Variants in ALOX5AP observed in about 807,000 individuals in gnomAD.
The protein encoded by ALOX5AP is arachidonate 5-lipoxygenase-activating protein.
Under a neutral mutation model 18.5 loss-of-function variants are expected in ALOX5AP, and 9 were observed. The ratio of observed to expected loss-of-function variants is 0.49; its 90% CI spans 0.29 to 0.85. The LOEUF (loss-of-function observed/expected upper bound fraction) is 0.85. ALOX5AP is among the 40% of genes least tolerant of loss of function. ALOX5AP has a pLI of 0.08. For missense variants in ALOX5AP, 172 were observed against 202.5 expected (o/e 0.85, Z 0.91); for synonymous variants, 81 against 78.6 (o/e 1.03, Z -0.16).
chr13:30,763,126 G>A (rs1951956712), intron 4 of ALOX5AP, among the ~76,000 whole-genome samples: 1 of 152,198 alleles, frequency 6.6e-6, no homozygotes, highest in African/African-American at 2.4e-5. Flanking sequence ...TGGCTAACAT[G>A]ACGAAACCTC....
intron 2 of ALOX5AP, among the ~76,000 whole-genome samples, chr13:30,745,647 G>T (rs1173780254): frequency 6.6e-6 from 1 of 152,246 alleles, no homozygotes; most frequent in Admixed American, 6.5e-5. Context: ...GATGTTTAAA[G>T]GTGTGATTTA....
chr13:30,744,396 T>A (rs1341425690), intron 2 of ALOX5AP: 1 of 446,550 alleles, frequency 2.2e-6, no homozygotes, highest in Non-Finnish European at 4.1e-6. Flanking sequence ...TGGAGGGAGG[T>A]GTGATCTCTG....
Position 30,752,088 on chromosome 13 carries a change from T to A in ALOX5AP, c.207T>A (p.Ala69=). 1.2e-6 allele frequency: 2 copies of A among 1,614,144 alleles called. No homozygotes were observed. Among genetic ancestry groups the A allele is most frequent in the Non-Finnish European group, 1.7e-6 (2 of 1,180,012 alleles). The part of the protein sequence containing the change: ...NCVDAYPTFL[A]VLWSAGLLCS... ...TAGATGCGTACCCCACTTTCCTCGC[T>A]GTGCTCTGGTCTGCGGGGCTACTTT... The change falls in exon 3 of 5, where the codon GCT becomes GCA. Residue 69 remains alanine (A), a synonymous_variant. Coordinates refer to ENST00000380490, the MANE Select transcript of ALOX5AP (RefSeq NM_001629.4).
intron 2 of ALOX5AP, among the ~76,000 whole-genome samples, 164 bp from the exon 3 acceptor site, chr13:30,751,888 A>T (rs1566087550): frequency 6.6e-6 from 1 of 152,388 alleles, no homozygotes; most frequent in East Asian, 1.9e-4. Context: ...CCCAGGTGGC[A>T]GCTGGCTGCC....
rs549712834 is a variant in ALOX5AP at position 30,713,816 on chromosome 13, A to T, written c.91A>T (p.Ile31Phe). The T allele has an allele frequency of 9.9e-5, 152 of 1,535,038 alleles. No individual in the cohort carries two copies. In the South Asian group the frequency reaches 1.6e-3, roughly 16 times the overall value. ...GAAATCCTTTGGCACCTTGGGGCAC[A>T]TTGGGAACATAAGCCATCAGTGCTG... Residue 31 changes from isoleucine to phenylalanine, a missense_variant, in exon 1 of 6, where the codon ATT becomes TTT. Coordinates refer to the ALOX5AP transcript ENST00000617770.
intron 1 of ALOX5AP, among the ~76,000 whole-genome samples, chr13:30,741,885 T>C (rs1951769806): frequency 6.7e-6 from 1 of 148,294 alleles, no homozygotes. Context: ...ACTCCAGGAA[T>C]GCAGAACCCG....
chr13:30,735,782 C>G (rs1368882465), intron 1 of ALOX5AP, 107 bp downstream of exon 1: 2 of 1,216,912 alleles, frequency 1.6e-6, no homozygotes, highest in Admixed American at 2.4e-5. Context: ...CATGCACAAA[C>G]ACTTTTACCT....
At chr13:30,744,770 G>A (rs938557503) in intron 2 of ALOX5AP, among the ~76,000 whole-genome samples, 2 of 152,226 alleles carry the variant, frequency 1.3e-5, no homozygotes, top group African/African-American at 4.8e-5. Context: ...TATTCGGGAT[G>A]CAAATCCGAA....
At chr13:30,758,075 C>T (rs1226536254) in intron 4 of ALOX5AP, among the ~76,000 whole-genome samples, 5 of 152,120 alleles carry the variant, frequency 3.3e-5, no homozygotes, top group African/African-American at 4.8e-5. Flanking sequence ...AACCTGGCCT[C>T]GGAATCCTTC....
chr13:30,718,372 C>T (rs867233284), intron 1 of ALOX5AP, among the ~76,000 whole-genome samples: 1 of 88,258 alleles, frequency 1.1e-5, no homozygotes, highest in Non-Finnish European at 2.1e-5. Flanking sequence ...GAAAACCTAT[C>T]ACAGATATGC....
intron 1 of ALOX5AP, chr13:30,713,914 G>T: frequency 6.7e-7 from 1 of 1,482,990 alleles, no homozygotes; most frequent in Non-Finnish European, 9.1e-7. Flanking sequence ...TTTGACCTGG[G>T]CCCAGGGCCA....
chr13:30,755,947 C>T lies in ALOX5AP; in HGVS notation c.245C>T (p.Pro82Leu), dbSNP rs200532730. ...GTGTTTTCATTTCTCCACTTAGTTC[C>T]TGCTGCGTTTGCTGGACTGATGTAC... ...WSAGLLCSQVPAAFAGLMYLF... is the reference protein window; with the variant it reads ...WSAGLLCSQVLAAFAGLMYLF... Residue 82 changes from proline to leucine, a missense_variant, in exon 4 of 5, where the codon CCT becomes CTT. Physicochemically the swap from Pro to Leu is moderately conservative, Grantham distance 98. Coordinates refer to ENST00000380490, the MANE Select transcript of ALOX5AP (RefSeq NM_001629.4). The T allele has an allele frequency of 6.2e-7, 1 of 1,614,068 alleles. No homozygotes were observed. Among genetic ancestry groups the T allele is most frequent in the South Asian group, 1.1e-5 (1 of 91,074 alleles).
chr13:30,715,429 T>C (rs528624638), intron 1 of ALOX5AP, among the ~76,000 whole-genome samples: 4 of 152,300 alleles, frequency 2.6e-5, no homozygotes, highest in Admixed American at 1.3e-4. Flanking sequence ...GTGAAGGTGG[T>C]GAGTGCCTTC....
At chr13:30,713,504 A>G in exon 1 of ALOX5AP, 2 of 522,346 alleles carry the variant, frequency 3.8e-6, no homozygotes, top group East Asian at 6.3e-5. Context: ...TTTGGAGGTG[A>G]AGGGGTCACA....
intron 1 of ALOX5AP, among the ~76,000 whole-genome samples, chr13:30,743,419 T>C (rs900576254): frequency 1.3e-5 from 2 of 152,110 alleles, no homozygotes; most frequent in Non-Finnish European, 2.9e-5. Context: ...GTCTGGCATG[T>C]GGCAAATGGT....
intron 1 of ALOX5AP, among the ~76,000 whole-genome samples, chr13:30,740,691 T>C (rs911081038): frequency 1.3e-5 from 2 of 152,100 alleles, no homozygotes; most frequent in South Asian, 4.1e-4. Flanking sequence ...AGCAGGTTTG[T>C]TTTTGTTTTG....
chr13:30,733,049 C>T (rs891315265), upstream of ALOX5AP, among the ~76,000 whole-genome samples: 12 of 151,274 alleles, frequency 7.9e-5, no homozygotes, highest in Non-Finnish European at 1.0e-4. Context: ...GTCCCAGCTA[C>T]TGAGGAGGCT....
chr13:30,759,622 G>A (rs1170362298), intron 4 of ALOX5AP, among the ~76,000 whole-genome samples: 2 of 152,184 alleles, frequency 1.3e-5, no homozygotes, highest in Non-Finnish European at 2.9e-5. Context: ...CAAAAAGCAA[G>A]AAGACTGATT....
At chr13:30,753,382 G>T (rs1351452466) in intron 3 of ALOX5AP, among the ~76,000 whole-genome samples, 1 of 152,176 alleles carries the variant, frequency 6.6e-6, no homozygotes, top group Non-Finnish European at 1.5e-5. Context: ...AGGAGTTATG[G>T]TTCTTTTTAT....
Sources: allele counts gnomAD v4.1 joint callset (sites outside exome capture counted in the v4.1 genomes callset), GRCh38; gene constraint gnomAD v4.1.1; transcripts MANE v1.5; gene names NCBI Gene and HGNC (gene_info 2026-07-23, HGNC 2026-07-21).